Variants in ZBTB14 observed in about 807,000 individuals in gnomAD.
The protein encoded by ZBTB14 is zinc finger and BTB domain containing 14, also known as zinc finger and BTB domain-containing protein 14.
Under a neutral mutation model 29.5 loss-of-function variants are expected in ZBTB14, and 8 were observed. The observed-to-expected ratio is 0.27, with a 90% confidence interval of 0.16 to 0.49. ZBTB14 has a LOEUF of 0.49. Ranked by LOEUF, ZBTB14 falls within the 20% of genes least tolerant of loss-of-function variation. ZBTB14 has a pLI of 0.99. For missense variants in ZBTB14, 333 were observed against 563.8 expected, an observed-to-expected ratio of 0.59 and a Z score of 4.15; for synonymous variants, 226 against 207.2, an observed-to-expected ratio of 1.09 and a Z score of -0.78.
chr18:5,294,437 ACTAG>A (rs1474330575), intron 1 of ZBTB14, among the ~76,000 whole-genome samples: 1 of 152,162 alleles, frequency 6.6e-6, no homozygotes, highest in Non-Finnish European at 1.5e-5. Context: ...GTGGCCTTAG[ACTAG>A]CTATGACAAC....
rs755264297 is a variant in ZBTB14 at position 5,292,210 on chromosome 18, A to C, written c.4-6T>G. The C allele has an allele frequency of 5.3e-5, 45 of 846,544 alleles. 1 individual carries two copies. In the Middle Eastern group the frequency reaches 1.3e-3, roughly 25 times the overall value. 52.4% of individuals were successfully genotyped at this position (846,544 alleles called of 1,614,324 possible). On this transcript the variant is annotated splice_polypyrimidine_tract_variant and splice_region_variant and intron_variant, in intron 3 of 3. Transcript: ENST00000651870. ...GACATACTGATGAAAAACTCCTACAAAAAAAAAAAAAGTTTAGTAATTATA... is the reference window on the plus strand; with the variant it reads ...GACATACTGATGAAAAACTCCTACACAAAAAAAAAAAGTTTAGTAATTATA...
chr18:5,296,463 G>A (rs1027848602), upstream of ZBTB14, among the ~76,000 whole-genome samples: 3 of 150,470 alleles, frequency 2.0e-5, no homozygotes, highest in African/African-American at 7.3e-5. Flanking sequence ...ATGTGCGTGG[G>A]CCAGAGCCTC....
At chr18:5,294,236 A>G (rs72863631) in intron 1 of ZBTB14, among the ~76,000 whole-genome samples, 1 of 152,112 alleles carries the variant, frequency 6.6e-6, no homozygotes, top group Non-Finnish European at 1.5e-5. Flanking sequence ...GTTAGGCAAC[A>G]TTTCCAAAAG....
chr18:5,293,215 C>G (rs778495333), intron 3 of ZBTB14, 29 bp downstream of exon 3: 1 of 1,610,696 alleles, frequency 6.2e-7, no homozygotes, highest in African/African-American at 1.3e-5. Flanking sequence ...TCATTTTCAT[C>G]AAGATTTAAT....
rs1410192504 is a variant in ZBTB14, at chr18:5,289,165, G to C, written c.*1693C>G. Reference sequence around the variant, plus strand: ...ACGGCAATCAGTTCCCCTTCTATAAGTAGCATAAAAACACAGTGACAGGAC... The same window carrying C: ...ACGGCAATCAGTTCCCCTTCTATAACTAGCATAAAAACACAGTGACAGGAC... On this transcript the variant is annotated 3_prime_UTR_variant, in exon 4 of 4. Transcript: ENST00000651870. 1 of 152,132 alleles carries C rather than the reference G, an allele frequency of 6.6e-6. No individual in the cohort carries two copies. Among genetic ancestry groups the C allele is most frequent in the Non-Finnish European group, 1.5e-5 (1 of 68,024 alleles). 9.4% of individuals were successfully genotyped at this position (152,132 alleles called of 1,614,324 possible). A position where few individuals can be genotyped will look rare whatever the true frequency, so the allele number is the denominator to read the frequency against.
At chr18:5,293,515 A>C (rs1244411633) in intron 2 of ZBTB14, 188 bp from the exon 3 acceptor site, 1 of 401,524 alleles carries the variant, frequency 2.5e-6, no homozygotes, top group African/African-American at 2.0e-5. Context: ...TAGAACAGAT[A>C]AGGGCTGTAG....
chr18:5,292,621 T>C (rs2071842215), intron 3 of ZBTB14, among the ~76,000 whole-genome samples: 1 of 152,216 alleles, frequency 6.6e-6, no homozygotes, highest in African/African-American at 2.4e-5. Context: ...TGACTAGAGA[T>C]AATCAAATAA....
At chr18:5,295,261 G>A (rs935839373) in intron 1 of ZBTB14, among the ~76,000 whole-genome samples, 7 of 144,720 alleles carry the variant, frequency 4.8e-5, no homozygotes, top group Non-Finnish European at 9.2e-5. Flanking sequence ...AGCTCGCGCC[G>A]GGCCCTCCCC....
Position 5,291,810 on chromosome 18 carries a change from G to T in ZBTB14, c.398C>A (p.Pro133His), listed in dbSNP as rs779573117. 1.2e-6 allele frequency: 2 copies of T among 1,613,768 alleles called. No homozygotes were observed. Among genetic ancestry groups the T allele is most frequent in the South Asian group, 1.1e-5 (1 of 91,024 alleles). ...LCSQKRDVSS[P>H]DENNGQSKSK... ...TTTGGACTGACCATTGTTTTCATCG[G>T]GACTGGACACATCACGCTTCTGAGA... Residue 133 changes from proline to histidine, a missense_variant, in exon 4 of 4, where the codon CCC becomes CAC. By Grantham distance (77) the Pro-to-His change is moderately conservative (BLOSUM62 -2). This residue lies in a region of ZBTB14 where 126 missense variants were observed against 132.2 expected (regional missense o/e 0.95). Transcript: ENST00000651870. This position sits in a 1 kb window ranked among gnomAD's most constrained non-coding sequence, Gnocchi z 5.8.
chr18:5,292,960 A>C (rs1314153424), intron 3 of ZBTB14, among the ~76,000 whole-genome samples: 1 of 152,204 alleles, frequency 6.6e-6, no homozygotes, highest in Non-Finnish European at 1.5e-5. Context: ...CATCCAGATA[A>C]AAGTGCCATC....
rs559040126 is a variant in ZBTB14, at chr18:5,293,222, T to G, written c.3+22A>C. 3 of 1,611,776 alleles carry G rather than the reference T, an allele frequency of 1.9e-6. No individual in the cohort carries two copies. The South Asian group carries it at 3.3e-5, about 18-fold the overall frequency. ...ATGCCAAGTCATTTTCATCAAGATTTAATATCCAAAGTTATAGTTACCATG... is the reference window on the plus strand; with the variant it reads ...ATGCCAAGTCATTTTCATCAAGATTGAATATCCAAAGTTATAGTTACCATG... On this transcript the variant is annotated intron_variant, in intron 3 of 3. Coordinates refer to ENST00000651870, the MANE Select transcript of ZBTB14 (RefSeq NM_001243702.2).
chr18:5,290,987 G>A lies in ZBTB14; in HGVS notation c.1221C>T (p.His407=), dbSNP rs142569261. 3.1e-5 allele frequency: 50 copies of A among 1,614,232 alleles called. No homozygotes were observed. The highest frequency in any genetic ancestry group is 1.6e-4 in the Middle Eastern group (1 of 6,062). Reference sequence around the variant, plus strand: ...TCCTTTCACTGTGCATATTGTTCTCGTGCCTTTTCAGATCAGATGCCTTGG... The same window carrying A: ...TCCTTTCACTGTGCATATTGTTCTCATGCCTTTTCAGATCAGATGCCTTGG... ...AFAKASDLKR[H]ENNMHSERKQ... is the part of the protein sequence containing the mutation. The change falls in exon 4 of 4, where the codon CAC becomes CAT. Residue 407 remains histidine (H), a synonymous_variant. Coordinates refer to ENST00000651870, the MANE Select transcript of ZBTB14 (RefSeq NM_001243702.2).
At chr18:5,295,225 G>C (rs1026326709) in intron 1 of ZBTB14, among the ~76,000 whole-genome samples, 1 of 144,630 alleles carries the variant, frequency 6.9e-6, no homozygotes, top group African/African-American at 2.5e-5. Flanking sequence ...CGAGCCCGGA[G>C]CTCGCGCCCC....
In ZBTB14 at chr18:5,293,177, G is replaced by GTA. The variant is rs2071857256; in HGVS notation, c.3+65_3+66dup. On this transcript the variant is annotated intron_variant, in intron 3 of 3. Coordinates refer to ENST00000651870, the MANE Select transcript of ZBTB14 (RefSeq NM_001243702.2). ...AAGTGTTCATGCACAATCAGAATTGGTATATATATTTTAAAGCAAATGCCA... is the reference window on the plus strand; with the variant it reads ...AAGTGTTCATGCACAATCAGAATTGGTATATATATATTTTAAAGCAAATGCCA... The GTA allele has an allele frequency of 4.5e-6, 7 of 1,539,258 alleles. No homozygotes were observed. The African/African-American group carries it at 5.5e-5, about 12-fold the overall frequency.
At position 5,292,041 on chromosome 18, in the gene ZBTB14, G is replaced by A; in HGVS notation, c.167C>T (p.Ala56Val). Reference protein sequence around the residue: ...KFRAHRCVLAACSTYFKKLFK... With the variant: ...KFRAHRCVLAVCSTYFKKLFK... The stretch of plus-strand genomic sequence containing the variant: ...AAGCTTTTTAAAGTAAGTGCTGCAG[G>A]CAGCAAGAACACATCTGTGTGCTCT... Residue 56 changes from alanine to valine, a missense_variant, in exon 4 of 4, where the codon GCC (alanine) becomes GTC (valine). By Grantham distance (64) the Ala-to-Val change is moderately conservative. Transcript: ENST00000651870. 1 of 1,612,836 alleles carries A rather than the reference G, an allele frequency of 6.2e-7. No individual in the cohort carries two copies. Among genetic ancestry groups the A allele is most frequent in the Non-Finnish European group, 8.5e-7 (1 of 1,179,948 alleles).
At chr18:5,295,595 C>G (rs1360273743) in intron 1 of ZBTB14, 57 bp downstream of exon 1, 1 of 145,204 alleles carries the variant, frequency 6.9e-6, no homozygotes, top group East Asian at 2.0e-4. Context: ...CCCGCGCGGC[C>G]CCCGGGGCGC....
Position 5,291,933 on chromosome 18 carries a change from T to C in ZBTB14, c.275A>G (p.Tyr92Cys). 6.2e-7 allele frequency: 1 copy of C among 1,614,220 alleles called. No homozygotes were observed. The highest frequency in any genetic ancestry group is 8.5e-7 in the Non-Finnish European group (1 of 1,180,036). The change falls in exon 4 of 4, where the codon TAC (tyrosine) becomes TGC (cysteine). Residue 92 changes from tyrosine (Y) to cysteine (C), a missense_variant. Physicochemically the swap from Tyr to Cys is radical, Grantham distance 194. This residue lies in a region of ZBTB14 where 67 missense variants were observed against 157.0 expected (regional missense o/e 0.43). Coordinates refer to ENST00000651870, the MANE Select transcript of ZBTB14 (RefSeq NM_001243702.2). The surrounding 1 kb of genome is among the most constrained non-coding windows in gnomAD (Gnocchi z 5.8). The part of the protein sequence containing the change: ...RSDIFEEVLN[Y>C]MYTAKISVKK... ...CACGGAAATCTTTGCTGTGTACATG[T>C]AGTTCAGGACCTCTTCAAATATATC... is the stretch of plus-strand genomic sequence containing the variant.
chr18:5,290,781 T>G lies in ZBTB14; in HGVS notation c.*77A>C. 1 of 1,540,182 alleles carries G rather than the reference T, an allele frequency of 6.5e-7. No homozygotes were observed. Among genetic ancestry groups the G allele is most frequent in the Non-Finnish European group, 8.7e-7 (1 of 1,144,924 alleles). The stretch of plus-strand genomic sequence containing the variant: ...TCCATACGTTTCCACAAAAATATTG[T>G]AACTGGCATTCACTCATTATGATCC... On this transcript the variant is annotated 3_prime_UTR_variant, in exon 4 of 4. Transcript: ENST00000651870.
In ZBTB14 at chr18:5,290,123, G is replaced by T. The variant is rs982553835; in HGVS notation, c.*735C>A. The T allele has an allele frequency of 2.0e-5, 3 of 152,138 alleles. No homozygotes were observed. The highest frequency in any genetic ancestry group is 4.4e-5 in the Non-Finnish European group (3 of 68,040). 9.4% of individuals were successfully genotyped at this position (152,138 alleles called of 1,614,324 possible). ...ATCGCAGCTGGTATGGACTGGTACT[G>T]CCCCAAATAAGAGGAACCTAAGAGC... is the stretch of plus-strand genomic sequence containing the variant. On this transcript the variant is annotated 3_prime_UTR_variant, in exon 4 of 4. Coordinates refer to ENST00000651870, the MANE Select transcript of ZBTB14 (RefSeq NM_001243702.2).
Sources: gnomAD v4.1 joint callset for allele counts (sites outside exome capture counted in the v4.1 genomes callset) on GRCh38, gnomAD v4.1.1 for gene constraint, gnomAD v4.1.1 regional missense constraint, Gnocchi (gnomAD v3.1) non-coding constraint, MANE v1.5 for transcripts, NCBI Gene and HGNC (gene_info 2026-07-23, HGNC 2026-07-21) for gene names.